The following INPP4B variants were observed in gnomAD, a reference collection of about 807,000 sequenced individuals.
INPP4B encodes inositol polyphosphate 4-phosphatase type II.
INPP4B carries 55 observed loss-of-function variants against 122.5 expected under a neutral mutation model. The observed-to-expected ratio is 0.45, with a 90% CI of 0.36 to 0.56. The LOEUF (loss-of-function observed/expected upper bound fraction) is 0.56. Among genes scored for constraint, INPP4B ranks in the 20% least tolerant of loss-of-function variants. The probability of loss-of-function intolerance (pLI) is 0.00; values close to 1 mark genes in which losing one functional copy is unlikely to be tolerated. For missense variants in INPP4B, 1,000 were observed against 1,097.7 expected (o/e 0.91, Z 1.26); for synonymous variants, 403 against 388.7 (o/e 1.04, Z -0.43).
intron 1 of INPP4B, among the ~76,000 whole-genome samples, chr4:142,751,583 T>A (rs889288949): frequency 9.9e-5 from 15 of 152,084 alleles, no homozygotes; most frequent in African/African-American, 3.6e-4. Flanking sequence ...TGTTTCCTAA[T>A]GGCCTCCTCA....
rs55638202 is a variant in INPP4B, at chr4:142,544,130, G to GT, written c.-190-81405_-190-81404insA. ...CACAAATACTGCATGGTGTGTGTGTGGTGTGTGTGTGTGTGTGTGTGTGTG... is the reference window on the plus strand; with the variant it reads ...CACAAATACTGCATGGTGTGTGTGTGTGTGTGTGTGTGTGTGTGTGTGTGTG... On this transcript the variant is annotated intron_variant, in intron 2 of 25. Coordinates refer to ENST00000262992, the MANE Select transcript of INPP4B (RefSeq NM_001101669.3). 7.4e-3 allele frequency among the ~76,000 whole-genome samples: 989 copies of GT among 133,208 alleles called. 31 individuals carry two copies. Among genetic ancestry groups the GT allele is most frequent in the African/African-American group, 0.017 (578 of 34,976 alleles). The allele number at this position is 133,208 out of a possible 152,430, so 87.4% of individuals were successfully genotyped here.
At chr4:142,264,532 T>C (rs1219521233) in intron 10 of INPP4B, among the ~76,000 whole-genome samples, 1 of 152,256 alleles carries the variant, frequency 6.6e-6, no homozygotes, top group East Asian at 1.9e-4. Flanking sequence ...TATGTGTGTA[T>C]ATATTGAAGT....
intron 7 of INPP4B, among the ~76,000 whole-genome samples, 191 bp from the exon 8 acceptor site, chr4:142,314,953 T>C (rs148550472): frequency 4.1e-4 from 62 of 152,302 alleles, no homozygotes; most frequent in Non-Finnish European, 7.4e-4. Context: ...CTGAACTTCC[T>C]GGACAGAGCT....
At chr4:142,190,511 C>G (rs972360713) in intron 15 of INPP4B, among the ~76,000 whole-genome samples, 1 of 152,144 alleles carries the variant, frequency 6.6e-6, no homozygotes, top group African/African-American at 2.4e-5. Flanking sequence ...CAGTATATTG[C>G]CTCAGCAAGC....
chr4:142,625,323 T>C (rs1746090627), intron 2 of INPP4B, among the ~76,000 whole-genome samples: 1 of 152,070 alleles, frequency 6.6e-6, no homozygotes, highest in African/African-American at 2.4e-5. Context: ...TCACAAGCAT[T>C]CTTATACACC....
At chr4:142,093,715 A>G (rs1780584747) in intron 23 of INPP4B, among the ~76,000 whole-genome samples, 1 of 152,166 alleles carries the variant, frequency 6.6e-6, no homozygotes, top group Non-Finnish European at 1.5e-5. Context: ...GAACAGACAA[A>G]ACTCCACCAA....
chr4:142,096,348 G>T (rs1452650760), intron 23 of INPP4B, among the ~76,000 whole-genome samples: 1 of 152,158 alleles, frequency 6.6e-6, no homozygotes, highest in Non-Finnish European at 1.5e-5. Flanking sequence ...TTTGACGACT[G>T]TAATTTATGA....
rs543278026 is a variant in INPP4B at position 142,066,794 on chromosome 4, G to A, written c.2642+15237C>T. Among the ~76,000 whole-genome samples, 351 of 152,282 alleles carry A rather than the reference G, an allele frequency of 2.3e-3. 3 individuals are homozygous for A. Among genetic ancestry groups the A allele is most frequent in the African/African-American group, 8.1e-3 (336 of 41,576 alleles). ...TGAGGGAGGGGCATCTGCCATTGCC[G>A]AGGCTTCAGTAGGTAAACAAAGCAG... On this transcript the variant is annotated intron_variant, in intron 25 of 25. Transcript: ENST00000262992.
At chr4:142,752,014 C>T (rs1321445296) in intron 1 of INPP4B, among the ~76,000 whole-genome samples, 2 of 151,952 alleles carry the variant, frequency 1.3e-5, no homozygotes, top group African/African-American at 4.8e-5. Context: ...ATCTGTGGAA[C>T]ATATAATTCT....
rs953310504 is a variant in INPP4B at position 142,028,393 on chromosome 4, T to TC, written c.*388dup. 2.1e-5 allele frequency: 5 copies of TC among 238,762 alleles called. No individual in the cohort carries two copies. Among genetic ancestry groups the TC allele is most frequent in the East Asian group, 6.1e-5 (1 of 16,516 alleles). The allele number at this position is 238,762 out of a possible 1,614,324, so 14.8% of individuals were successfully genotyped here. On this transcript the variant is annotated 3_prime_UTR_variant, in exon 26 of 26. Coordinates refer to ENST00000262992, the MANE Select transcript of INPP4B (RefSeq NM_001101669.3). The stretch of plus-strand genomic sequence containing the variant: ...TATCACAAAAAAAATATGTTCCTTT[T>TC]CCCCCTCTCCTCTCTTCCATTTGGT...
chr4:142,438,222 C>CA (rs1471594088), intron 3 of INPP4B, among the ~76,000 whole-genome samples: 1 of 151,854 alleles, frequency 6.6e-6, no homozygotes, highest in African/African-American at 2.4e-5. Flanking sequence ...CATATGGAAC[C>CA]AAAAAAGAGC....
At chr4:142,238,118 G>T in intron 11 of INPP4B, 107 bp from the exon 12 acceptor site, 2 of 517,078 alleles carry the variant, frequency 3.9e-6, no homozygotes, top group South Asian at 4.6e-5. Context: ...TTATTCATTT[G>T]ATCCAAAATG....
At chr4:142,105,256 A>C (rs1172788661) in intron 23 of INPP4B, among the ~76,000 whole-genome samples, 1 of 152,200 alleles carries the variant, frequency 6.6e-6, no homozygotes, top group Non-Finnish European at 1.5e-5. Context: ...TGAGATTTTA[A>C]ATAGTCTAAA....
At chr4:142,275,699 A>G (rs960558207) in intron 9 of INPP4B, among the ~76,000 whole-genome samples, 1 of 151,882 alleles carries the variant, frequency 6.6e-6, no homozygotes, top group African/African-American at 2.4e-5. Context: ...GTCAGAAGCC[A>G]TATAATGCTT....
chr4:142,546,285 G>A (rs1829638802), intron 2 of INPP4B, among the ~76,000 whole-genome samples: 1 of 152,112 alleles, frequency 6.6e-6, no homozygotes, highest in Non-Finnish European at 1.5e-5. Context: ...TTTTATGGCT[G>A]CATAGTATTC....
At chr4:142,508,683 T>C (rs1450573228) in intron 2 of INPP4B, among the ~76,000 whole-genome samples, 2 of 152,220 alleles carry the variant, frequency 1.3e-5, no homozygotes, top group Non-Finnish European at 1.5e-5. Context: ...GTGATAGTTG[T>C]GATTAGGCAA....
intron 25 of INPP4B, among the ~76,000 whole-genome samples, chr4:142,042,370 C>G (rs1042865724): frequency 1.3e-5 from 2 of 152,124 alleles, no homozygotes; most frequent in African/African-American, 4.8e-5. Context: ...AAGTGGAAAT[C>G]TTTTCATCTG....
At chr4:142,252,416 CT>C (rs1309154246) in intron 11 of INPP4B, among the ~76,000 whole-genome samples, 2 of 151,980 alleles carry the variant, frequency 1.3e-5, no homozygotes, top group Admixed American at 1.3e-4. Context: ...TCTCGATCTC[CT>C]GACCTCGTGA....
At position 142,138,884 on chromosome 4, in the gene INPP4B, T is replaced by C. The variant is rs553409938; in HGVS notation, c.1720+6956A>G. On this transcript the variant is annotated intron_variant, in intron 18 of 25. Coordinates refer to ENST00000262992, the MANE Select transcript of INPP4B (RefSeq NM_001101669.3). ...TTTGATTTTCATTCCTTGATACTTCTGACACCTCATCTGAGAGTAATCCTC... is the reference window on the plus strand; with the variant it reads ...TTTGATTTTCATTCCTTGATACTTCCGACACCTCATCTGAGAGTAATCCTC... Among the ~76,000 whole-genome samples, 17 of 152,356 alleles carry C rather than the reference T, an allele frequency of 1.1e-4. No individual in the cohort carries two copies. The East Asian group carries it at 3.3e-3, about 29-fold the overall frequency.
Sources: gnomAD v4.1 joint callset for allele counts (sites outside exome capture counted in the v4.1 genomes callset) on GRCh38, gnomAD v4.1.1 for gene constraint, MANE v1.5 for transcripts, NCBI Gene and HGNC (gene_info 2026-07-23, HGNC 2026-07-21) for gene names.